The following E2F2 variants were observed in gnomAD, a reference collection of about 807,000 sequenced individuals.
The protein encoded by E2F2 is E2F transcription factor 2, also known as transcription factor E2F2.
E2F2 carries 22 observed loss-of-function variants against 42.2 expected under a neutral mutation model. The observed-to-expected ratio is 0.52, with a 90% CI of 0.37 to 0.74. The LOEUF (loss-of-function observed/expected upper bound fraction) is 0.74. Among genes scored for constraint, E2F2 ranks in the 30% least tolerant of loss-of-function variants. The probability of loss-of-function intolerance (pLI) is 0.00; values close to 1 mark genes in which losing one functional copy is unlikely to be tolerated. For synonymous variants in E2F2, 248 were observed against 251.6 expected, an observed-to-expected ratio of 0.99 and a Z score of 0.13; for missense variants, 481 against 557.8, an observed-to-expected ratio of 0.86 and a Z score of 1.39.
intron 2 of E2F2, among the ~76,000 whole-genome samples, 163 bp from the exon 3 acceptor site, chr1:23,522,219 G>A (rs1034693181): frequency 2.6e-5 from 4 of 152,214 alleles, no homozygotes; most frequent in African/African-American, 7.2e-5. Context: ...TCCAGACAGG[G>A]AACCTGATAC....
In E2F2 at chr1:23,530,390, T is replaced by C; in HGVS notation, c.252+152A>G. On this transcript the variant is annotated intron_variant, in intron 1 of 6. Transcript: ENST00000361729. The surrounding 1 kb of genome is among the most constrained non-coding windows in gnomAD (Gnocchi z 4.4). ...AAAATGAAGGGGTCTTCTACTCAGA[T>C]ATTGGGGGCACTGGGTCCTGGAAAC... The C allele has an allele frequency of 3.9e-6, 4 of 1,036,382 alleles. No individual in the cohort carries two copies. Among genetic ancestry groups the C allele is most frequent in the East Asian group, 2.6e-5 (1 of 38,286 alleles). 64.2% of individuals were successfully genotyped at this position (1,036,382 alleles called of 1,614,324 possible). A position where few individuals can be genotyped will look rare whatever the true frequency, so the allele number is the denominator to read the frequency against.
chr1:23,522,725 G>T (rs2124251693), intron 2 of E2F2, among the ~76,000 whole-genome samples: 1 of 152,292 alleles, frequency 6.6e-6, no homozygotes, highest in South Asian at 2.1e-4. Context: ...TCAAGTCGGG[G>T]AGGTTCATGA....
At chr1:23,527,626 C>T (rs188482572) in intron 1 of E2F2, among the ~76,000 whole-genome samples, 24 of 152,308 alleles carry the variant, frequency 1.6e-4, no homozygotes, top group African/African-American at 5.8e-4. Context: ...CCTGGTCTCT[C>T]CTAAGCCCTA....
intron 6 of E2F2, among the ~76,000 whole-genome samples, chr1:23,514,136 AC>A (rs893342589): frequency 3.4e-5 from 5 of 145,350 alleles, no homozygotes; most frequent in East Asian, 2.1e-4. Flanking sequence ...AAAAAAAAAA[AC>A]AACTTCACAC....
At position 23,521,923 on chromosome 1, in the gene E2F2, C is replaced by G. The variant is rs776571603; in HGVS notation, c.492G>C (p.Val164=). The part of the protein sequence containing the change: ...DLNWAAEVLD[V]QKRRIYDITN... ...TGATGTCATAGATGCGCCGCTTCTGCACGTCCAGCACCTCAGCGGCCCAGT... is the reference window on the plus strand; with the variant it reads ...TGATGTCATAGATGCGCCGCTTCTGGACGTCCAGCACCTCAGCGGCCCAGT... The change falls in exon 3 of 7, where the codon GTG becomes GTC. Residue 164 remains valine (V), a synonymous_variant. Transcript: ENST00000361729. The G allele has an allele frequency of 2.1e-5, 34 of 1,614,102 alleles. No homozygotes were observed.
Position 23,521,049 on chromosome 1 carries a change from G to A in E2F2, c.601C>T (p.Pro201Ser). The A allele has an allele frequency of 1.9e-6, 3 of 1,612,634 alleles. No individual in the cohort carries two copies. The highest frequency in any genetic ancestry group is 2.5e-6 in the Non-Finnish European group (3 of 1,179,358). ...QWVGRGMFEDPTRPGKQQQLG... is the reference protein window; with the variant it reads ...QWVGRGMFEDSTRPGKQQQLG... ...TGTTGCTGCTTCCCAGGTCTGGTGG[G>A]GTCTTCAAACATTCCCCTGCCTCTG... Residue 201 changes from proline to serine, a missense_variant, in exon 4 of 7, where the codon CCC becomes TCC. Pro to Ser is a moderately conservative substitution (Grantham distance 74, BLOSUM62 -1). Transcript: ENST00000361729.
chr1:23,505,303 G>C (rs1164017473), downstream of E2F2, among the ~76,000 whole-genome samples: 1 of 152,222 alleles, frequency 6.6e-6, no homozygotes, highest in Non-Finnish European at 1.5e-5. Context: ...AAGCAGGAGA[G>C]TAACGCGATT....
chr1:23,531,147 G>A lies in E2F2; in HGVS notation c.-354C>T. On this transcript the variant is annotated 5_prime_UTR_variant, in exon 1 of 7. Transcript: ENST00000361729. ...TCCCCGGCGTGCCCTCAAGCTCGGCGGAGACGCGATGCGCTGGGATGGGGA... is the reference window on the plus strand; with the variant it reads ...TCCCCGGCGTGCCCTCAAGCTCGGCAGAGACGCGATGCGCTGGGATGGGGA... The A allele has an allele frequency of 3.8e-6, 1 of 263,748 alleles. No homozygotes were observed. The allele number at this position is 263,748 out of a possible 1,614,324, so 16.3% of individuals were successfully genotyped here.
intron 5 of E2F2, among the ~76,000 whole-genome samples, chr1:23,516,986 G>A (rs1643037923): frequency 6.6e-6 from 1 of 152,086 alleles, no homozygotes; most frequent in Admixed American, 6.5e-5. Flanking sequence ...TTGCTGAGCT[G>A]GTATCATAAA....
downstream of E2F2, among the ~76,000 whole-genome samples, chr1:23,505,299 G>A (rs2148680329): frequency 6.6e-6 from 1 of 152,332 alleles, no homozygotes; most frequent in East Asian, 1.9e-4. Flanking sequence ...CATTAAGCAG[G>A]AGAGTAACGC....
intron 6 of E2F2, among the ~76,000 whole-genome samples, chr1:23,513,997 A>T (rs1274192549): frequency 1.3e-5 from 2 of 151,122 alleles, no homozygotes; most frequent in Non-Finnish European, 2.9e-5. Context: ...GGTGGCATGT[A>T]CCTGTACTCC....
At chr1:23,523,463 G>C (rs1222027413) in intron 2 of E2F2, among the ~76,000 whole-genome samples, 5 of 152,082 alleles carry the variant, frequency 3.3e-5, no homozygotes, top group Non-Finnish European at 5.9e-5. Flanking sequence ...AGCCTATCCA[G>C]GATATTGACT....
chr1:23,522,208 G>T, intron 2 of E2F2, 152 bp from the exon 3 acceptor site: 1 of 689,754 alleles, frequency 1.4e-6, no homozygotes, highest in Non-Finnish European at 2.4e-6. Context: ...CACCACCACT[G>T]TCCAGACAGG....
chr1:23,509,233 G>A lies in E2F2; in HGVS notation c.*647C>T, dbSNP rs1403112706. On this transcript the variant is annotated 3_prime_UTR_variant, in exon 7 of 7. Coordinates refer to ENST00000361729, the MANE Select transcript of E2F2 (RefSeq NM_004091.4). ...GCTGGAGATGTGAGGCCAAGAACAGGGGAAGAGGCAAAAGGGCCCACAGCT... is the reference window on the plus strand; with the variant it reads ...GCTGGAGATGTGAGGCCAAGAACAGAGGAAGAGGCAAAAGGGCCCACAGCT... 6.6e-6 allele frequency: 1 copy of A among 152,212 alleles called. No individual in the cohort carries two copies. The highest frequency in any genetic ancestry group is 1.5e-5 in the Non-Finnish European group (1 of 68,092). The allele number at this position is 152,212 out of a possible 1,614,324, so 9.4% of individuals were successfully genotyped here. A position where few individuals can be genotyped will look rare whatever the true frequency, so the allele number is the denominator to read the frequency against.
chr1:23,516,104 G>C (rs3218186), intron 6 of E2F2, among the ~76,000 whole-genome samples: 4 of 152,214 alleles, frequency 2.6e-5, no homozygotes, highest in Non-Finnish European at 4.4e-5. Context: ...CACATAGCTG[G>C]TAAGTGGATG....
chr1:23,527,509 G>A (rs938526852), intron 1 of E2F2, among the ~76,000 whole-genome samples: 5 of 152,240 alleles, frequency 3.3e-5, no homozygotes, highest in Non-Finnish European at 7.3e-5. Flanking sequence ...CTGCAGAAGT[G>A]CAGAGGGTCA....
intron 2 of E2F2, among the ~76,000 whole-genome samples, chr1:23,523,352 T>C (rs1431660380): frequency 6.6e-6 from 1 of 152,176 alleles, no homozygotes; most frequent in African/African-American, 2.4e-5. Context: ...AGACGGGGTT[T>C]CACCACGTTG....
rs66460864 is a variant in E2F2 at position 23,520,243 on chromosome 1, C to CAA, written c.737+668_737+669dup. The stretch of plus-strand genomic sequence containing the variant: ...CCTGGGCAAGAGTGAGACTCTGTCT[C>CAA]AAAAAAAAAAAAAAAAAAAAAAAAA... On this transcript the variant is annotated intron_variant, in intron 4 of 6. Transcript: ENST00000361729. Among the ~76,000 whole-genome samples, 182 of 78,848 alleles carry CAA rather than the reference C, an allele frequency of 2.3e-3. 12 individuals carry two copies. Among genetic ancestry groups the CAA allele is most frequent in the African/African-American group, 3.9e-3 (47 of 12,130 alleles). 51.7% of individuals were successfully genotyped at this position (78,848 alleles called of 152,430 possible).
At chr1:23,523,876 C>T (rs1413076518) in intron 2 of E2F2, among the ~76,000 whole-genome samples, 2 of 151,848 alleles carry the variant, frequency 1.3e-5, no homozygotes, top group African/African-American at 4.8e-5. Flanking sequence ...GAGTTTAAGA[C>T]CAGCCTGGCC....
Sources: allele counts gnomAD v4.1 joint callset (sites outside exome capture counted in the v4.1 genomes callset), GRCh38; gene constraint gnomAD v4.1.1; non-coding constraint Gnocchi (gnomAD v3.1); transcripts MANE v1.5; gene names NCBI Gene and HGNC (gene_info 2026-07-23, HGNC 2026-07-21).